The following NKAIN3 variants were observed in gnomAD, a reference collection of about 807,000 sequenced individuals.
The protein encoded by NKAIN3 is sodium/potassium-transporting ATPase subunit beta-1-interacting protein 3.
In NKAIN3, 25 loss-of-function variants were observed where a neutral mutation model predicts 30.2. The observed-to-expected ratio is 0.83, with a 90% CI of 0.60 to 1.16. The LOEUF (loss-of-function observed/expected upper bound fraction) is 1.16, where lower values mean the gene tolerates loss of function less well. Among genes scored for constraint, NKAIN3 ranks in the 50% most tolerant of loss-of-function variants. The pLI is 0.00. For missense variants in NKAIN3, 225 were observed against 254.1 expected (o/e 0.89, Z 0.78); for synonymous variants, 91 against 89.6 (o/e 1.02, Z -0.09).
At chr8:62,366,722 T>G (rs7009557) in intron 1 of NKAIN3, among the ~76,000 whole-genome samples, 5,114 of 152,272 alleles carry the variant, frequency 0.034, 329 homozygotes, top group African/African-American at 0.12. Context: ...TATTTTTTCT[T>G]TCCTCGTACT....
intron 4 of NKAIN3, among the ~76,000 whole-genome samples, chr8:62,870,137 T>C (rs1338766005): frequency 6.8e-6 from 1 of 147,260 alleles, no homozygotes; most frequent in African/African-American, 2.6e-5. Context: ...CTTCACCAGC[T>C]TGCAGACGAC....
intron 3 of NKAIN3, among the ~76,000 whole-genome samples, chr8:62,623,956 T>C (rs1247242346): frequency 6.6e-6 from 1 of 152,104 alleles, no homozygotes; most frequent in African/African-American, 2.4e-5. Flanking sequence ...GGATTATTCA[T>C]GAGTTTTCCA....
chr8:62,254,359 ATTTAAAAAGCCCTGGATGAGATCACC>A (rs1327043198), intron 1 of NKAIN3, among the ~76,000 whole-genome samples: 1 of 152,146 alleles, frequency 6.6e-6, no homozygotes, highest in Non-Finnish European at 1.5e-5. Flanking sequence ...CAATATTGGT[ATTTAAAAAGCCCTGGATGAGATCACC>A]TTGGGAGAGA....
At chr8:62,656,070 A>T (rs1812753883) in intron 3 of NKAIN3, among the ~76,000 whole-genome samples, 1 of 152,008 alleles carries the variant, frequency 6.6e-6, no homozygotes, top group Non-Finnish European at 1.5e-5. Context: ...CCAGAGACAG[A>T]TCTCAAGGAG....
At chr8:62,684,382 C>T (rs937118902) in intron 3 of NKAIN3, among the ~76,000 whole-genome samples, 2 of 152,304 alleles carry the variant, frequency 1.3e-5, no homozygotes, top group South Asian at 4.1e-4. Flanking sequence ...AAATAAAGTG[C>T]TCCCTTCCAC....
At chr8:62,872,240 G>T (rs1257722999) in intron 4 of NKAIN3, among the ~76,000 whole-genome samples, 1 of 152,178 alleles carries the variant, frequency 6.6e-6, no homozygotes, top group Non-Finnish European at 1.5e-5. Context: ...TGATGCCATT[G>T]TCAGAAGGTA....
intron 1 of NKAIN3, among the ~76,000 whole-genome samples, chr8:62,551,501 A>G (rs1809207022): frequency 6.6e-6 from 1 of 152,236 alleles, no homozygotes; most frequent in Non-Finnish European, 1.5e-5. Flanking sequence ...AATCTTTAAA[A>G]TGGAGAGAAA....
At chr8:62,890,824 C>T (rs987895858) in intron 4 of NKAIN3, among the ~76,000 whole-genome samples, 1 of 152,150 alleles carries the variant, frequency 6.6e-6, no homozygotes, top group Non-Finnish European at 1.5e-5. Flanking sequence ...TTCATTCCAC[C>T]CTCTCATCAC....
At chr8:62,794,967 A>C (rs1817816504) in intron 4 of NKAIN3, among the ~76,000 whole-genome samples, 1 of 152,094 alleles carries the variant, frequency 6.6e-6, no homozygotes, top group Admixed American at 6.5e-5. Flanking sequence ...CATCCCCTTC[A>C]CACAACTTAT....
intron 4 of NKAIN3, among the ~76,000 whole-genome samples, chr8:62,749,113 T>C (rs955133256): frequency 4.6e-5 from 7 of 152,302 alleles, no homozygotes; most frequent in African/African-American, 1.4e-4. Flanking sequence ...AAATCTTTCA[T>C]ATGTGGACAG....
At chr8:62,578,664 T>TTTTTTG (rs1810196471) in intron 1 of NKAIN3, among the ~76,000 whole-genome samples, 1 of 35,328 alleles carries the variant, frequency 2.8e-5, no homozygotes, top group Non-Finnish European at 8.9e-5. Flanking sequence ...TTGTTTTTTG[T>TTTTTTG]TTTTTTTCCA....
chr8:62,370,621 A>T (rs911811273), intron 1 of NKAIN3, among the ~76,000 whole-genome samples: 4 of 152,002 alleles, frequency 2.6e-5, no homozygotes, highest in Non-Finnish European at 5.9e-5. Flanking sequence ...TCTTCTTTTC[A>T]CTAGTAACTG....
intron 4 of NKAIN3, among the ~76,000 whole-genome samples, chr8:62,821,802 C>T (rs1818855068): frequency 6.6e-6 from 1 of 151,770 alleles, no homozygotes; most frequent in East Asian, 1.9e-4. Flanking sequence ...AAGGTATTCA[C>T]AAGCCCATGA....
At chr8:62,269,288 C>T (rs540595515) in intron 1 of NKAIN3, among the ~76,000 whole-genome samples, 79 of 152,274 alleles carry the variant, frequency 5.2e-4, no homozygotes, top group African/African-American at 1.9e-3. Context: ...TTTTTAACCC[C>T]AGAGAGTGCC....
At chr8:62,915,885 T>A (rs912450680) in intron 4 of NKAIN3, among the ~76,000 whole-genome samples, 1 of 152,016 alleles carries the variant, frequency 6.6e-6, no homozygotes, top group African/African-American at 2.4e-5. Flanking sequence ...AGTTAATAAA[T>A]GAGCAAAAAA....
At chr8:62,961,729 T>G (rs892195388) in intron 6 of NKAIN3, among the ~76,000 whole-genome samples, 1 of 152,124 alleles carries the variant, frequency 6.6e-6, no homozygotes, top group African/African-American at 2.4e-5. Context: ...ATAAATGAAC[T>G]CTTCAGAAAT....
At chr8:62,253,584 A>G (rs1812175525) in intron 1 of NKAIN3, among the ~76,000 whole-genome samples, 1 of 152,226 alleles carries the variant, frequency 6.6e-6, no homozygotes, top group African/African-American at 2.4e-5. Context: ...AGAAAGAAAT[A>G]CATAAGTAAA....
intron 4 of NKAIN3, among the ~76,000 whole-genome samples, chr8:62,788,907 C>T (rs1406291875): frequency 1.3e-5 from 2 of 152,124 alleles, no homozygotes; most frequent in Non-Finnish European, 2.9e-5. Context: ...TGTTTTGGAA[C>T]CAGTACCGTT....
chr8:62,849,503 G>A (rs1230451317), intron 4 of NKAIN3, among the ~76,000 whole-genome samples: 1 of 150,766 alleles, frequency 6.6e-6, no homozygotes, highest in Non-Finnish European at 1.5e-5. Context: ...CAATGTGCAA[G>A]TTTGTTACAT....
Sources: allele counts gnomAD v4.1 joint callset (sites outside exome capture counted in the v4.1 genomes callset), GRCh38; gene constraint gnomAD v4.1.1; transcripts MANE v1.5; gene names NCBI Gene and HGNC (gene_info 2026-07-23, HGNC 2026-07-21).